Variants in NSMAF observed in about 807,000 individuals in gnomAD.
The protein encoded by NSMAF is protein FAN.
A neutral mutation model predicts 134.9 loss-of-function variants in NSMAF; 90 were observed. The observed-to-expected ratio is 0.67, with a 90% CI of 0.56 to 0.79. NSMAF has a LOEUF of 0.79. Ranked by LOEUF, NSMAF falls within the 30% of genes least tolerant of loss-of-function variation. The probability of loss-of-function intolerance (pLI) is 0.00; values close to 1 mark genes in which losing one functional copy is unlikely to be tolerated. For missense variants in NSMAF, 1,010 were observed against 1,119.0 expected (o/e 0.90, Z 1.39); for synonymous variants, 358 against 389.6 (o/e 0.92, Z 0.96).
At chr8:58,584,944 T>C (rs544127917) in intron 30 of NSMAF, among the ~76,000 whole-genome samples, 2 of 152,314 alleles carry the variant, frequency 1.3e-5, no homozygotes, top group South Asian at 4.1e-4. Flanking sequence ...TTTTAAGGTA[T>C]ACATTTAAGA....
chr8:58,656,903 T>TA (rs1177325026), intron 1 of NSMAF, among the ~76,000 whole-genome samples: 29 of 152,194 alleles, frequency 1.9e-4, no homozygotes, highest in African/African-American at 7.0e-4. Flanking sequence ...TTACTTATAC[T>TA]AAAAAAATTT....
rs1807802380 is a variant in NSMAF, at chr8:58,659,301, C to A, written c.59+272G>T. On this transcript the variant is annotated intron_variant, in intron 1 of 30. Coordinates refer to ENST00000038176, the MANE Select transcript of NSMAF (RefSeq NM_003580.4). ...CGCCGGGACCTGCACTGCCGGATAG[C>A]TCGGCATGCCTCGGCTCCGCGGTGG... 3 of 1,525,090 alleles carry A rather than the reference C, an allele frequency of 2.0e-6. No individual in the cohort carries two copies. In the South Asian group the frequency reaches 3.6e-5, roughly 18 times the overall value. 94.5% of individuals were successfully genotyped at this position (1,525,090 alleles called of 1,614,324 possible).
Position 58,649,079 on chromosome 8 carries a change from G to A in NSMAF, c.60-6006C>T, listed in dbSNP as rs140199734. On this transcript the variant is annotated intron_variant, in intron 1 of 30. Transcript: ENST00000038176. ...CTCCAACCTGTGAAAGCAGCCAAGTGGGCTGCACCCTTCAAAGCCACAGAG... is the reference window on the plus strand; with the variant it reads ...CTCCAACCTGTGAAAGCAGCCAAGTAGGCTGCACCCTTCAAAGCCACAGAG... 7.9e-3 allele frequency among the ~76,000 whole-genome samples: 1,199 copies of A among 152,316 alleles called. 17 individuals carry two copies. The highest frequency in any genetic ancestry group is 0.027 in the African/African-American group (1,121 of 41,562).
chr8:58,627,566 C>A (rs763627844), intron 6 of NSMAF, among the ~76,000 whole-genome samples: 2 of 152,086 alleles, frequency 1.3e-5, no homozygotes, highest in Non-Finnish European at 2.9e-5. Context: ...ACACCAACAA[C>A]GGCCAAGCTA....
chr8:58,590,787 A>C, intron 24 of NSMAF, 80 bp downstream of exon 24: 1 of 1,341,064 alleles, frequency 7.5e-7, no homozygotes, highest in Non-Finnish European at 1.0e-6. Flanking sequence ...TTTTGGGAGA[A>C]ATAAAGTATT....
intron 1 of NSMAF, among the ~76,000 whole-genome samples, chr8:58,657,107 A>C (rs1266872149): frequency 6.6e-6 from 1 of 152,136 alleles, no homozygotes; most frequent in Non-Finnish European, 1.5e-5. Context: ...ACGTCCTAAA[A>C]ACATCTAGAA....
intron 1 of NSMAF, among the ~76,000 whole-genome samples, chr8:58,651,410 A>C (rs1807578938): frequency 6.6e-6 from 1 of 152,182 alleles, no homozygotes; most frequent in Admixed American, 6.5e-5. Context: ...ATTAGGTTAA[A>C]GCTTTCTATC....
rs561097759 is a variant in NSMAF at position 58,633,537 on chromosome 8, T to A, written c.333+1652A>T. Reference sequence around the variant, plus strand: ...ACCACCTGACATTAGAGGAGACATTTGTTTATTGTCTGTCTCCCCCACTGA... The same window carrying A: ...ACCACCTGACATTAGAGGAGACATTAGTTTATTGTCTGTCTCCCCCACTGA... On this transcript the variant is annotated intron_variant, in intron 5 of 30. Coordinates refer to ENST00000038176, the MANE Select transcript of NSMAF (RefSeq NM_003580.4). Among the ~76,000 whole-genome samples, 35 of 152,354 alleles carry A rather than the reference T, an allele frequency of 2.3e-4. No homozygotes were observed. In the South Asian group the frequency reaches 5.4e-3, roughly 23 times the overall value.
At chr8:58,649,978 T>C (rs1436401649) in intron 1 of NSMAF, among the ~76,000 whole-genome samples, 1 of 152,212 alleles carries the variant, frequency 6.6e-6, no homozygotes. Flanking sequence ...TTAAACCTAT[T>C]TATGCACACA....
At chr8:58,653,084 G>A (rs78976045) in intron 1 of NSMAF, among the ~76,000 whole-genome samples, 2,348 of 152,260 alleles carry the variant, frequency 0.015, 55 homozygotes, top group East Asian at 0.08. Context: ...ACTGAGGATG[G>A]GGGCACAGCA....
At chr8:58,656,360 T>C (rs1807711149) in intron 1 of NSMAF, among the ~76,000 whole-genome samples, 1 of 152,194 alleles carries the variant, frequency 6.6e-6, no homozygotes, top group African/African-American at 2.4e-5. Context: ...AAGTGTCTGT[T>C]TTCTAATCCT....
intron 2 of NSMAF, among the ~76,000 whole-genome samples, chr8:58,638,145 C>A (rs1807245698): frequency 6.6e-6 from 1 of 152,172 alleles, no homozygotes; most frequent in Admixed American, 6.5e-5. Context: ...AAAATGGGCT[C>A]AATCAATCCT....
At chr8:58,619,066 G>A (rs1300535997) in intron 9 of NSMAF, among the ~76,000 whole-genome samples, 1 of 152,136 alleles carries the variant, frequency 6.6e-6, no homozygotes, top group Non-Finnish European at 1.5e-5. Context: ...AAGTAGGTCA[G>A]AAGAAGCTAA....
chr8:58,657,098 C>T (rs573007359), intron 1 of NSMAF, among the ~76,000 whole-genome samples: 5 of 152,288 alleles, frequency 3.3e-5, no homozygotes, highest in Admixed American at 6.5e-5. Flanking sequence ...GTCAATCACA[C>T]GTCCTAAAAA....
At chr8:58,650,100 T>G (rs1055780231) in intron 1 of NSMAF, among the ~76,000 whole-genome samples, 13 of 152,188 alleles carry the variant, frequency 8.5e-5, no homozygotes, top group African/African-American at 3.1e-4. Flanking sequence ...GGGTACCATT[T>G]GCATCTTCAC....
intron 1 of NSMAF, among the ~76,000 whole-genome samples, chr8:58,649,987 C>T (rs1275759359): frequency 6.6e-6 from 1 of 152,210 alleles, no homozygotes; most frequent in African/African-American, 2.4e-5. Context: ...TTTATGCACA[C>T]ATGTTCTTTC....
At position 58,622,696 on chromosome 8, in the gene NSMAF, T is replaced by C. The variant is rs935436825; in HGVS notation, c.557+524A>G. On this transcript the variant is annotated intron_variant, in intron 9 of 30. Transcript: ENST00000038176. ...GCATGAGCCACCGTGCCCAGCCTAA[T>C]TTTTTAATTTTTAATTTTGCAGAGA... Among the ~76,000 whole-genome samples the C allele has an allele frequency of 2.0e-5, 3 of 152,058 alleles. No individual in the cohort carries two copies. In the South Asian group the frequency reaches 6.2e-4, roughly 32 times the overall value.
At chr8:58,587,591 T>C (rs1805915232) in intron 27 of NSMAF, 27 bp downstream of exon 27, 2 of 1,604,324 alleles carry the variant, frequency 1.2e-6, no homozygotes, top group South Asian at 2.2e-5. Flanking sequence ...AGGTCAGTTT[T>C]CTGTACAGTT....
At chr8:58,585,328 T>C (rs1235380199) in intron 30 of NSMAF, among the ~76,000 whole-genome samples, 6 of 151,876 alleles carry the variant, frequency 4.0e-5, no homozygotes, top group East Asian at 1.9e-4. Context: ...TTTTTTTTTT[T>C]TCTCTTTTTT....
Sources: allele counts gnomAD v4.1 joint callset (sites outside exome capture counted in the v4.1 genomes callset), GRCh38; gene constraint gnomAD v4.1.1; transcripts MANE v1.5; gene names NCBI Gene and HGNC (gene_info 2026-07-23, HGNC 2026-07-21).